Variants in MNAT1 observed in about 807,000 individuals in gnomAD.
MNAT1 encodes the protein MNAT1 component of CDK activating kinase, also known as CDK-activating kinase assembly factor MAT1.
MNAT1 carries 43 observed loss-of-function variants against 42.0 expected under a neutral mutation model. The observed-to-expected ratio is 1.02, with a 90% CI of 0.80 to 1.32. MNAT1 has a LOEUF of 1.32. Ranked by LOEUF, MNAT1 falls within the 40% of genes most tolerant of loss-of-function variation. The probability of loss-of-function intolerance (pLI) is 0.00; values close to 1 mark genes in which losing one functional copy is unlikely to be tolerated. For synonymous variants in MNAT1, 118 were observed against 120.0 expected (o/e 0.98, Z 0.11); for missense variants, 306 against 350.4 (o/e 0.87, Z 1.01).
intron 7 of MNAT1, among the ~76,000 whole-genome samples, chr14:60,931,842 T>A (rs1054219097): frequency 1.3e-5 from 2 of 152,024 alleles, no homozygotes. Flanking sequence ...TTTAAAAACA[T>A]CCTCAAAGTT....
At chr14:60,826,951 T>C (rs1219735913) in intron 6 of MNAT1, among the ~76,000 whole-genome samples, 1 of 152,140 alleles carries the variant, frequency 6.6e-6, no homozygotes, top group Non-Finnish European at 1.5e-5. Context: ...CTTAGTCTTT[T>C]GGGAACAAGC....
At chr14:60,889,147 T>TC in intron 7 of MNAT1, among the ~76,000 whole-genome samples, 1 of 152,170 alleles carries the variant, frequency 6.6e-6, no homozygotes, top group African/African-American at 2.4e-5. Flanking sequence ...GCTGAGTCAA[T>TC]TGTAAGCCAA....
intron 6 of MNAT1, among the ~76,000 whole-genome samples, chr14:60,826,198 A>AG (rs2033048029): frequency 6.6e-6 from 1 of 152,100 alleles, no homozygotes; most frequent in African/African-American, 2.4e-5. Flanking sequence ...TTAAACTGTC[A>AG]GGGAGTGGAG....
intron 6 of MNAT1, among the ~76,000 whole-genome samples, chr14:60,824,956 C>G (rs1566782572): frequency 1.3e-5 from 2 of 150,034 alleles, no homozygotes; most frequent in African/African-American, 2.5e-5. Flanking sequence ...TACCCCCACC[C>G]CATTGGATCA....
At chr14:60,962,373 C>T (rs1444983549) in intron 7 of MNAT1, among the ~76,000 whole-genome samples, 1 of 152,034 alleles carries the variant, frequency 6.6e-6, no homozygotes, top group Non-Finnish European at 1.5e-5. Flanking sequence ...GCCCATGTTC[C>T]TGAGATGTTC....
At chr14:60,818,683 C>G (rs2032789921) in intron 5 of MNAT1, 39 bp from the exon 6 acceptor site, 2 of 1,497,508 alleles carry the variant, frequency 1.3e-6, no homozygotes, top group East Asian at 2.3e-5. Context: ...TTAGTTTTCC[C>G]TTTTTACATT....
At chr14:60,886,499 T>C (rs2034673996) in intron 7 of MNAT1, among the ~76,000 whole-genome samples, 1 of 152,040 alleles carries the variant, frequency 6.6e-6, no homozygotes, top group South Asian at 2.1e-4. Context: ...AATCTTTTGA[T>C]TAGCCTTTGA....
At chr14:60,928,752 A>G (rs1300025215) in intron 7 of MNAT1, among the ~76,000 whole-genome samples, 2 of 152,212 alleles carry the variant, frequency 1.3e-5, no homozygotes, top group Admixed American at 6.5e-5. Context: ...AAATAAAAAA[A>G]TTAATAGTTA....
At chr14:60,759,237 C>T (rs1344817064) in intron 1 of MNAT1, among the ~76,000 whole-genome samples, 2 of 152,090 alleles carry the variant, frequency 1.3e-5, no homozygotes, top group Non-Finnish European at 2.9e-5. Flanking sequence ...AATCCAAATT[C>T]CTTAGCTTAT....
intron 6 of MNAT1, among the ~76,000 whole-genome samples, chr14:60,822,388 C>CA (rs1170339105): frequency 5.9e-5 from 9 of 152,132 alleles, no homozygotes; most frequent in Non-Finnish European, 4.4e-5. Context: ...TCCATTGTGG[C>CA]AAAGTTGCTT....
intron 1 of MNAT1, among the ~76,000 whole-genome samples, chr14:60,757,513 G>A (rs1053626149): frequency 5.3e-5 from 8 of 152,168 alleles, no homozygotes; most frequent in African/African-American, 1.4e-4. Context: ...TTAATAGACT[G>A]TTCCTAAGCA....
chr14:60,810,177 T>G (rs2032499712), intron 4 of MNAT1, among the ~76,000 whole-genome samples: 1 of 152,138 alleles, frequency 6.6e-6, no homozygotes, highest in African/African-American at 2.4e-5. Flanking sequence ...ATGATCCTTT[T>G]ATTTCTGTGG....
rs1896433529 is a variant in MNAT1 at position 60,740,513 on chromosome 14, G to C, written c.89+5562G>C. Among the ~76,000 whole-genome samples the C allele has an allele frequency of 6.6e-6, 1 of 152,070 alleles. No homozygotes were observed. Among genetic ancestry groups the C allele is most frequent in the Non-Finnish European group, 1.5e-5 (1 of 68,010 alleles). Reference sequence around the variant, plus strand: ...TTAGTTATGTTTAAAAGTTTTATCAGATTAAGTTTGAATTTATTTGTTGAT... The same window carrying C: ...TTAGTTATGTTTAAAAGTTTTATCACATTAAGTTTGAATTTATTTGTTGAT... On this transcript the variant is annotated intron_variant, in intron 1 of 7. Transcript: ENST00000261245. The surrounding 1 kb of genome is among the most constrained non-coding windows in gnomAD (Gnocchi z 4.1).
chr14:60,963,842 T>G (rs773358614), intron 7 of MNAT1, among the ~76,000 whole-genome samples: 1 of 152,176 alleles, frequency 6.6e-6, no homozygotes, highest in African/African-American at 2.4e-5. Flanking sequence ...TAATATGAAC[T>G]TTACATTTCA....
intron 7 of MNAT1, among the ~76,000 whole-genome samples, chr14:60,881,321 G>A (rs1025498542): frequency 3.9e-5 from 6 of 151,952 alleles, no homozygotes; most frequent in Non-Finnish European, 5.9e-5. Context: ...AGTAGCTGAG[G>A]CTGCAGGCAT....
At chr14:60,812,835 T>TCA (rs2032595042) in intron 5 of MNAT1, among the ~76,000 whole-genome samples, 1 of 152,170 alleles carries the variant, frequency 6.6e-6, no homozygotes, top group Non-Finnish European at 1.5e-5. Context: ...CCCTCTCTGC[T>TCA]AAGAGCTGTT....
intron 6 of MNAT1, among the ~76,000 whole-genome samples, chr14:60,824,540 G>T (rs1594780816): frequency 6.6e-6 from 1 of 152,304 alleles, no homozygotes; most frequent in East Asian, 1.9e-4. Flanking sequence ...CAAAGTATTT[G>T]AATTAGGAGG....
At chr14:60,857,735 C>T (rs1249831886) in intron 6 of MNAT1, among the ~76,000 whole-genome samples, 1 of 151,966 alleles carries the variant, frequency 6.6e-6, no homozygotes, top group Non-Finnish European at 1.5e-5. Flanking sequence ...GCCCCCCATC[C>T]CCTGACAGGC....
chr14:60,957,558 A>G (rs926992901), intron 7 of MNAT1, among the ~76,000 whole-genome samples: 2 of 152,222 alleles, frequency 1.3e-5, no homozygotes, highest in African/African-American at 4.8e-5. Flanking sequence ...CTCCCATGAC[A>G]GGTGGGAATT....
Sources: allele counts gnomAD v4.1 joint callset (sites outside exome capture counted in the v4.1 genomes callset), GRCh38; gene constraint gnomAD v4.1.1; non-coding constraint Gnocchi (gnomAD v3.1); transcripts MANE v1.5; gene names NCBI Gene and HGNC (gene_info 2026-07-23, HGNC 2026-07-21).